MAPK14: variants seen among roughly 807,000 people sequenced by gnomAD.
MAPK14 encodes mitogen-activated protein kinase 14.
In MAPK14, 16 loss-of-function variants were observed where a neutral mutation model predicts 49.6. The observed-to-expected ratio is 0.32, with a 90% CI of 0.22 to 0.49. MAPK14 has a LOEUF of 0.49. MAPK14 is among the 20% of genes least tolerant of loss of function. MAPK14 has a pLI of 0.99. For missense variants in MAPK14, 200 were observed against 441.2 expected (o/e 0.45, Z 4.90); for synonymous variants, 142 against 158.0 (o/e 0.90, Z 0.76).
chr6:36,065,695 A>G (rs1167186363), intron 3 of MAPK14, among the ~76,000 whole-genome samples: 2 of 152,122 alleles, frequency 1.3e-5, no homozygotes, highest in Non-Finnish European at 2.9e-5. Context: ...GGGATTGGAA[A>G]AAGGATGAAA....
At chr6:36,073,315 A>C (rs1764383131) in intron 4 of MAPK14, among the ~76,000 whole-genome samples, 1 of 152,264 alleles carries the variant, frequency 6.6e-6, no homozygotes, top group Non-Finnish European at 1.5e-5. Context: ...TAATTTATTG[A>C]TGTAATCTAA....
rs67009009 is a variant in MAPK14 at position 36,033,320 on chromosome 6, CT to C, written c.116+5061del. Among the ~76,000 whole-genome samples, 562 of 146,028 alleles carry C rather than the reference CT, an allele frequency of 3.8e-3. 2 individuals are homozygous for C. Among genetic ancestry groups the C allele is most frequent in the African/African-American group, 0.01 (398 of 39,800 alleles). On this transcript the variant is annotated intron_variant, in intron 1 of 11. Transcript: ENST00000229794. ...TTTATTATCAAATCCCATTTTTCCACTTTTTTTTTTTTTTGAGACGGAGTCT... is the reference window on the plus strand; with the variant it reads ...TTTATTATCAAATCCCATTTTTCCACTTTTTTTTTTTTTGAGACGGAGTCT...
intron 3 of MAPK14, among the ~76,000 whole-genome samples, chr6:36,061,033 A>G (rs1181449496): frequency 6.6e-6 from 1 of 152,238 alleles, no homozygotes; most frequent in East Asian, 1.9e-4. Context: ...GGGCATGTAT[A>G]TTACAGTTTG....
At chr6:36,081,686 T>C (rs1371150312) in intron 8 of MAPK14, among the ~76,000 whole-genome samples, 1 of 152,208 alleles carries the variant, frequency 6.6e-6, no homozygotes, top group East Asian at 1.9e-4. Context: ...GTCTTCCAGC[T>C]TTGTTCTTCT....
At chr6:36,092,012 C>G (rs1161572600) in intron 8 of MAPK14, 2 of 411,034 alleles carry the variant, frequency 4.9e-6, no homozygotes, top group Non-Finnish European at 9.5e-6. Flanking sequence ...ACGGGCACTT[C>G]AGATGGCTTC....
intron 1 of MAPK14, among the ~76,000 whole-genome samples, chr6:36,036,255 C>CAAAAAAAAAAAAAAAAAAAAAAA (rs35795294): frequency 9.5e-6 from 1 of 104,818 alleles, no homozygotes. Context: ...GAGTACATCT[C>CAAAAAAAAAAAAAAAAAAAAAAA]AAAAAAAAAA....
intron 3 of MAPK14, among the ~76,000 whole-genome samples, chr6:36,061,312 C>G (rs986351522): frequency 6.6e-6 from 1 of 152,094 alleles, no homozygotes; most frequent in Non-Finnish European, 1.5e-5. Context: ...GGATTAAGAA[C>G]CTATTTTTCC....
chr6:36,089,730 A>G (rs1205881792), intron 8 of MAPK14, among the ~76,000 whole-genome samples: 1 of 152,202 alleles, frequency 6.6e-6, no homozygotes, highest in Non-Finnish European at 1.5e-5. Context: ...TCAAGTGGAC[A>G]CAGCTGACAG....
At chr6:36,113,443 A>G (rs767258373), downstream of MAPK14, among the ~76,000 whole-genome samples, 10 of 152,024 alleles carry the variant, frequency 6.6e-5, no homozygotes, top group Non-Finnish European at 1.0e-4. Context: ...AGTAACCCAC[A>G]TATCTATGAA....
Position 36,107,581 on chromosome 6 carries a change from A to G in MAPK14, c.968A>G (p.Tyr323Cys). The stretch of plus-strand genomic sequence containing the variant: ...GATGATGAACCAGTGGCCGATCCTT[A>G]TGATCAGTCCTTTGAAAGCAGGGAC... ...DPDDEPVADPYDQSFESRDLL... is the reference protein window; with the variant it reads ...DPDDEPVADPCDQSFESRDLL... Residue 323 changes from tyrosine (Y) to cysteine (C), a missense_variant, in exon 11 of 12, where the codon TAT (tyrosine) becomes TGT (cysteine). Tyr to Cys is a radical substitution (Grantham distance 194, BLOSUM62 -2). Transcript: ENST00000229794. The surrounding 1 kb of genome is among the most constrained non-coding windows in gnomAD (Gnocchi z 4.3). 6.2e-7 allele frequency: 1 copy of G among 1,603,768 alleles called. No individual in the cohort carries two copies. Among genetic ancestry groups the G allele is most frequent in the Non-Finnish European group, 8.5e-7 (1 of 1,175,200 alleles).
chr6:36,082,439 C>G (rs1008405259), intron 8 of MAPK14, among the ~76,000 whole-genome samples: 6 of 152,248 alleles, frequency 3.9e-5, no homozygotes, highest in Admixed American at 3.9e-4. Context: ...GAAGGAATAC[C>G]TGAAACTAGG....
chr6:36,082,427 A>G (rs1452212969), intron 8 of MAPK14, among the ~76,000 whole-genome samples: 2 of 152,230 alleles, frequency 1.3e-5, no homozygotes, highest in Non-Finnish European at 2.9e-5. Context: ...TCACATTGCT[A>G]TGAAGGAATA....
At chr6:36,060,297 A>G (rs780614070) in intron 3 of MAPK14, among the ~76,000 whole-genome samples, 18 of 152,184 alleles carry the variant, frequency 1.2e-4, no homozygotes, top group Non-Finnish European at 2.2e-4. Flanking sequence ...CAGGTTGCAC[A>G]TTGGTGGGCC....
chr6:36,116,022 T>G (rs912008920), downstream of MAPK14, among the ~76,000 whole-genome samples: 1 of 152,036 alleles, frequency 6.6e-6, no homozygotes, highest in Non-Finnish European at 1.5e-5. Flanking sequence ...GGCAGGAAGA[T>G]TGCTTAAGCC....
At chr6:36,084,618 CAAGAT>C (rs372308968) in intron 8 of MAPK14, among the ~76,000 whole-genome samples, 115 of 151,868 alleles carry the variant, frequency 7.6e-4, no homozygotes, top group African/African-American at 2.5e-3. Flanking sequence ...ATCTTGCTGA[CAAGAT>C]AAGAGAAGAA....
intron 3 of MAPK14, among the ~76,000 whole-genome samples, chr6:36,067,590 T>C (rs1764110674): frequency 6.6e-6 from 1 of 152,160 alleles, no homozygotes; most frequent in African/African-American, 2.4e-5. Flanking sequence ...TGTGGTAAAA[T>C]ATTGAGTCTA....
At chr6:36,092,376 A>G in intron 8 of MAPK14, 3 of 662,922 alleles carry the variant, frequency 4.5e-6, no homozygotes, top group South Asian at 1.4e-5. Flanking sequence ...AGGGAACTCT[A>G]TGCAGTAGCC....
the MAPK14 span, among the ~76,000 whole-genome samples, chr6:36,116,655 C>A: frequency 6.6e-6 from 1 of 152,124 alleles, no homozygotes; most frequent in East Asian, 1.9e-4. Flanking sequence ...GATTTCAGTG[C>A]ACCCGCTGAG....
intron 2 of MAPK14, among the ~76,000 whole-genome samples, chr6:36,054,709 T>G (rs140481489): frequency 5.3e-4 from 81 of 152,376 alleles, no homozygotes; most frequent in African/African-American, 1.9e-3. Context: ...GCTTATAATG[T>G]CAAAGTAGTT....
Sources: allele counts gnomAD v4.1 joint callset (sites outside exome capture counted in the v4.1 genomes callset), GRCh38; gene constraint gnomAD v4.1.1; non-coding constraint Gnocchi (gnomAD v3.1); transcripts MANE v1.5; gene names NCBI Gene and HGNC (gene_info 2026-07-23, HGNC 2026-07-21).